Variants in PANX1 observed in about 807,000 individuals in gnomAD.
PANX1 encodes pannexin 1.
PANX1 carries 30 observed loss-of-function variants against 38.7 expected under a neutral mutation model. That is an observed-to-expected ratio of 0.78 (90% confidence interval 0.58 to 1.05). The LOEUF (loss-of-function observed/expected upper bound fraction) is 1.05. PANX1 is among the 50% of genes least tolerant of loss of function. The pLI, the probability that PANX1 is intolerant of heterozygous loss-of-function variation, is 0.00. For missense variants in PANX1, 551 were observed against 517.2 expected (o/e 1.07, Z -0.63); for synonymous variants, 230 against 212.2 (o/e 1.08, Z -0.73).
In PANX1 at chr11:94,180,035, G is replaced by T; in HGVS notation, c.979G>T (p.Asp327Tyr). 6.2e-7 allele frequency: 1 copy of T among 1,607,824 alleles called. No individual in the cohort carries two copies. The highest frequency in any genetic ancestry group is 8.5e-7 in the Non-Finnish European group (1 of 1,175,598). ...VLHFKSEGYN[D>Y]LSLYNLFLEE... is the part of the protein sequence containing the mutation. ...GCATTTCAAATCTGAAGGGTACAAC[G>T]ATTTGAGCCTCTACAATCTCTTCTT... The change falls in exon 4 of 5, where the codon GAT becomes TAT. Residue 327 changes from aspartate (D) to tyrosine (Y), a missense_variant. Physicochemically the swap from Asp to Tyr is radical, Grantham distance 160 (BLOSUM62 -3). Coordinates refer to ENST00000227638, the MANE Select transcript of PANX1 (RefSeq NM_015368.4).
At chr11:94,152,551 A>G (rs1268449012) in intron 1 of PANX1, among the ~76,000 whole-genome samples, 1 of 151,924 alleles carries the variant, frequency 6.6e-6, no homozygotes, top group African/African-American at 2.4e-5. Flanking sequence ...CACACCTTTG[A>G]ATGTGCCAGG....
chr11:94,152,158 T>C (rs1946889631), intron 1 of PANX1, among the ~76,000 whole-genome samples: 1 of 152,172 alleles, frequency 6.6e-6, no homozygotes, highest in Non-Finnish European at 1.5e-5. Flanking sequence ...ATCCCAGTCT[T>C]TAAGGCAATA....
At chr11:94,172,372 A>G (rs1947179688) in intron 2 of PANX1, among the ~76,000 whole-genome samples, 1 of 151,780 alleles carries the variant, frequency 6.6e-6, no homozygotes, top group South Asian at 2.1e-4. Flanking sequence ...GCTCTGATTC[A>G]GCAGGTCTGA....
chr11:94,162,534 C>G (rs1008356919), intron 2 of PANX1, among the ~76,000 whole-genome samples: 2 of 152,148 alleles, frequency 1.3e-5, no homozygotes, highest in African/African-American at 4.8e-5. Flanking sequence ...TGGATATAAT[C>G]TTCTGGTGTG....
chr11:94,131,516 T>C (rs1420475356), intron 1 of PANX1, among the ~76,000 whole-genome samples: 1 of 152,212 alleles, frequency 6.6e-6, no homozygotes, highest in Admixed American at 6.5e-5. Flanking sequence ...AGCAGGTAAG[T>C]CATTCAGCTG....
At chr11:94,173,229 C>T (rs931807961) in intron 2 of PANX1, among the ~76,000 whole-genome samples, 3 of 151,642 alleles carry the variant, frequency 2.0e-5, no homozygotes, top group Admixed American at 6.6e-5. Flanking sequence ...TTCCAAGATT[C>T]TCTTTTTGCC....
intron 2 of PANX1, among the ~76,000 whole-genome samples, chr11:94,175,370 C>T (rs1947221335): frequency 1.3e-5 from 2 of 151,654 alleles, no homozygotes; most frequent in Non-Finnish European, 2.9e-5. Context: ...GGGAAATTTA[C>T]ACCCTATATG....
intron 1 of PANX1, among the ~76,000 whole-genome samples, chr11:94,147,450 C>T (rs183559797): frequency 6.6e-6 from 1 of 151,978 alleles, no homozygotes; most frequent in Non-Finnish European, 1.5e-5. Flanking sequence ...TGGTTTAGAC[C>T]TTGTGGGTGT....
intron 2 of PANX1, among the ~76,000 whole-genome samples, chr11:94,176,242 T>C (rs545189794): frequency 6.6e-6 from 1 of 151,740 alleles, no homozygotes; most frequent in Admixed American, 6.5e-5. Context: ...ATGCAAAATA[T>C]TAATATTTTG....
intron 1 of PANX1, among the ~76,000 whole-genome samples, chr11:94,143,011 A>G (rs1377890137): frequency 6.6e-6 from 1 of 152,228 alleles, no homozygotes; most frequent in African/African-American, 2.4e-5. Flanking sequence ...TTGTCTATTT[A>G]GAATGCCCTT....
At chr11:94,159,627 A>T in intron 2 of PANX1, among the ~76,000 whole-genome samples, 1 of 151,498 alleles carries the variant, frequency 6.6e-6, no homozygotes, top group African/African-American at 2.4e-5. Flanking sequence ...TCTTTTCTTT[A>T]TTAGTCTTGC....
At chr11:94,177,053 C>A (rs1947243141) in intron 2 of PANX1, among the ~76,000 whole-genome samples, 1 of 151,760 alleles carries the variant, frequency 6.6e-6, no homozygotes, top group Non-Finnish European at 1.5e-5. Flanking sequence ...CTTTAATCTT[C>A]ATGACACCTC....
rs1328075461 is a variant in PANX1 at position 94,180,822 on chromosome 11, A to G, written c.1234A>G (p.Asn412Asp). 3.8e-6 allele frequency: 6 copies of G among 1,588,268 alleles called. No homozygotes were observed. In the Middle Eastern group the frequency reaches 5.0e-4, roughly 132 times the overall value. The change falls in exon 5 of 5, where the codon AAT becomes GAT. Residue 412 changes from asparagine (N) to aspartate (D), a missense_variant. By Grantham distance (23) the Asn-to-Asp change is conservative (BLOSUM62 1). Coordinates refer to ENST00000227638, the MANE Select transcript of PANX1 (RefSeq NM_015368.4). ...CATAGACAGTGAAACTAAAGCAAATAATGGAGAGAAGAATGCCCGACAGAG... is the reference window on the plus strand; with the variant it reads ...CATAGACAGTGAAACTAAAGCAAATGATGGAGAGAAGAATGCCCGACAGAG... ...MNIDSETKAN[N>D]GEKNARQRLL... is the part of the protein sequence containing the mutation.
intron 2 of PANX1, among the ~76,000 whole-genome samples, chr11:94,177,686 G>A (rs1947250671): frequency 6.7e-6 from 1 of 148,284 alleles, no homozygotes; most frequent in Admixed American, 6.7e-5. Context: ...TTTGGTGTGT[G>A]TCTGCACCCT....
intron 2 of PANX1, among the ~76,000 whole-genome samples, chr11:94,174,213 C>T (rs1308114283): frequency 1.3e-5 from 2 of 151,508 alleles, no homozygotes; most frequent in African/African-American, 2.4e-5. Flanking sequence ...CAAACAGTAT[C>T]ACACTCTGAG....
chr11:94,179,983 C>T lies in PANX1; in HGVS notation c.927C>T (p.Tyr309=), dbSNP rs138457061. The T allele has an allele frequency of 4.0e-5, 63 of 1,594,320 alleles. No individual in the cohort carries two copies. Among genetic ancestry groups the T allele is most frequent in the African/African-American group, 1.3e-4 (10 of 74,606 alleles). The change falls in exon 4 of 5, where the codon TAC becomes TAT. Residue 309 remains tyrosine (Y), a synonymous_variant. Coordinates refer to ENST00000227638, the MANE Select transcript of PANX1 (RefSeq NM_015368.4). The part of the protein sequence containing the change: ...FRQKTDVLKV[Y]EILPTFDVLH... The stretch of plus-strand genomic sequence containing the variant: ...AGAAGACAGATGTTCTCAAAGTGTA[C>T]GAAATCCTCCCCACTTTTGATGTTC...
At chr11:94,136,685 G>A (rs1480169079) in intron 1 of PANX1, among the ~76,000 whole-genome samples, 4 of 151,800 alleles carry the variant, frequency 2.6e-5, no homozygotes. Context: ...GGAGAATGGC[G>A]TGAACCCGGG....
chr11:94,151,965 A>G (rs1299580967), intron 1 of PANX1, among the ~76,000 whole-genome samples: 1 of 152,154 alleles, frequency 6.6e-6, no homozygotes, highest in Non-Finnish European at 1.5e-5. Flanking sequence ...CCACAAGAAT[A>G]TACTCTCCTG....
intron 2 of PANX1, among the ~76,000 whole-genome samples, chr11:94,173,598 C>T (rs549522115): frequency 1.1e-4 from 16 of 151,664 alleles, no homozygotes; most frequent in East Asian, 3.9e-4. Context: ...TCTCCTTTTC[C>T]GTCCCCCTCT....
Sources: gnomAD v4.1 joint callset for allele counts (sites outside exome capture counted in the v4.1 genomes callset) on GRCh38, gnomAD v4.1.1 for gene constraint, MANE v1.5 for transcripts, NCBI Gene and HGNC (gene_info 2026-07-23, HGNC 2026-07-21) for gene names.